The following MCCC1 variants were observed in gnomAD, a reference collection of about 807,000 sequenced individuals.
The protein encoded by MCCC1 is methylcrotonoyl-CoA carboxylase subunit alpha, mitochondrial.
A neutral mutation model predicts 83.8 loss-of-function variants in MCCC1; 64 were observed. That is an observed-to-expected ratio of 0.76 (90% CI 0.62 to 0.94). MCCC1 has a LOEUF of 0.94. MCCC1 is among the 40% of genes least tolerant of loss of function. MCCC1 has a pLI of 0.00. For missense variants in MCCC1, 807 were observed against 904.7 expected, an observed-to-expected ratio of 0.89 and a Z score of 1.39; for synonymous variants, 322 against 315.4, an observed-to-expected ratio of 1.02 and a Z score of -0.22.
At chr3:183,113,923 G>A (rs572252315) in intron 1 of MCCC1, among the ~76,000 whole-genome samples, 2 of 152,134 alleles carry the variant, frequency 1.3e-5, no homozygotes, top group African/African-American at 4.8e-5. Context: ...GTCTTGGGGG[G>A]TGAGCCCTCA....
chr3:183,053,784 TAC>T (rs1315230945), intron 8 of MCCC1, among the ~76,000 whole-genome samples: 1 of 132,298 alleles, frequency 7.6e-6, no homozygotes. Context: ...CAGCCTAGGC[TAC>T]AGAGTGAGGC....
Position 183,085,979 on chromosome 3 carries a change from C to T in MCCC1, c.369+714G>A, listed in dbSNP as rs188689486. Among the ~76,000 whole-genome samples, 23 of 152,334 alleles carry T rather than the reference C, an allele frequency of 1.5e-4. No homozygotes were observed. The East Asian group carries it at 3.1e-3, about 20-fold the overall frequency. On this transcript the variant is annotated intron_variant, in intron 4 of 18. Coordinates refer to ENST00000265594, the MANE Select transcript of MCCC1 (RefSeq NM_020166.5). ...GGCCCCTCCACAGATCTGAGAACAG[C>T]TGCAGAAAGTCCCTCCCCCAGTCTC...
At chr3:183,053,681 TGTA>T (rs1715172939) in intron 8 of MCCC1, among the ~76,000 whole-genome samples, 1 of 149,816 alleles carries the variant, frequency 6.7e-6, no homozygotes, top group Admixed American at 6.7e-5. Context: ...GGCAGGCGCC[TGTA>T]GTCCCAGCTA....
chr3:183,082,096 C>T (rs1472100892), intron 4 of MCCC1, among the ~76,000 whole-genome samples: 1 of 152,190 alleles, frequency 6.6e-6, no homozygotes, highest in Non-Finnish European at 1.5e-5. Context: ...TGCCTACGGC[C>T]CCCCAAGTGT....
chr3:183,070,601 G>A (rs1381126383), intron 7 of MCCC1, among the ~76,000 whole-genome samples: 1 of 151,994 alleles, frequency 6.6e-6, no homozygotes, highest in East Asian at 1.9e-4. Flanking sequence ...GGCATGGTGG[G>A]GCATACCTGT....
chr3:183,046,181 C>T (rs1417479711), intron 9 of MCCC1, among the ~76,000 whole-genome samples: 2 of 152,184 alleles, frequency 1.3e-5, no homozygotes, highest in African/African-American at 2.4e-5. Context: ...CCAAAAAGTT[C>T]CCTTGTTCCC....
intron 4 of MCCC1, among the ~76,000 whole-genome samples, chr3:183,083,858 T>C (rs1259139524): frequency 6.6e-6 from 1 of 152,232 alleles, no homozygotes; most frequent in Non-Finnish European, 1.5e-5. Flanking sequence ...AAACAACACC[T>C]TCCCTTTTTC....
At chr3:183,101,266 A>G (rs1330562828), upstream of MCCC1, among the ~76,000 whole-genome samples, 1 of 152,232 alleles carries the variant, frequency 6.6e-6, no homozygotes, top group Non-Finnish European at 1.5e-5. Flanking sequence ...CGACCACCCA[A>G]GAGCTGAGGA....
At chr3:183,049,528 C>T (rs1714799655) in intron 9 of MCCC1, among the ~76,000 whole-genome samples, 1 of 149,224 alleles carries the variant, frequency 6.7e-6, no homozygotes, top group Non-Finnish European at 1.5e-5. Flanking sequence ...GCCAAGATCT[C>T]ACCATTGCAC....
At chr3:183,096,958 T>C (rs1175904816) in intron 1 of MCCC1, among the ~76,000 whole-genome samples, 6 of 152,218 alleles carry the variant, frequency 3.9e-5, no homozygotes, top group Non-Finnish European at 8.8e-5. Context: ...TGATTCGGTT[T>C]CAAGGCTACT....
intron 8 of MCCC1, among the ~76,000 whole-genome samples, chr3:183,055,603 TTA>T (rs1715358646): frequency 6.6e-6 from 1 of 151,934 alleles, no homozygotes; most frequent in African/African-American, 2.4e-5. Flanking sequence ...CCACTTATAA[TTA>T]TATGTTTCAG....
chr3:183,034,113 A>C (rs1313726104), intron 13 of MCCC1, 36 bp from the exon 14 acceptor site: 3 of 1,381,882 alleles, frequency 2.2e-6, no homozygotes, highest in African/African-American at 2.8e-5. Context: ...CAAACTTATG[A>C]GTATCAAGCC....
Position 183,045,815 on chromosome 3 carries a change from C to G in MCCC1, c.956-275G>C, listed in dbSNP as rs965652066. ...CCGTTTCAGCTTGTAACAGTGAGAACAAGGGTGGACCACATGTTACTGCCT... is the reference window on the plus strand; with the variant it reads ...CCGTTTCAGCTTGTAACAGTGAGAAGAAGGGTGGACCACATGTTACTGCCT... On this transcript the variant is annotated intron_variant, in intron 9 of 18. Transcript: ENST00000265594. Among the ~76,000 whole-genome samples, 104 of 152,162 alleles carry G rather than the reference C, an allele frequency of 6.8e-4. 1 individual carries two copies. Among genetic ancestry groups the G allele is most frequent in the Non-Finnish European group, 2.8e-4 (19 of 68,040 alleles).
chr3:183,096,935 G>A (rs948424047), intron 1 of MCCC1, among the ~76,000 whole-genome samples: 11 of 152,008 alleles, frequency 7.2e-5, no homozygotes, highest in Admixed American at 5.2e-4. Context: ...TGTTGGTAAA[G>A]CTAGCTTAAG....
intron 7 of MCCC1, among the ~76,000 whole-genome samples, chr3:183,069,462 T>A (rs1242293563): frequency 6.6e-6 from 1 of 152,180 alleles, no homozygotes; most frequent in Non-Finnish European, 1.5e-5. Context: ...AAGCCTTCAA[T>A]GTACCTTAGA....
At position 183,017,266 on chromosome 3, in the gene MCCC1, C is replaced by T; in HGVS notation, c.2049G>A (p.Glu683=). 2 of 1,613,532 alleles carry T rather than the reference C, an allele frequency of 1.2e-6. No homozygotes were observed. Among genetic ancestry groups the T allele is most frequent in the Non-Finnish European group, 1.7e-6 (2 of 1,179,836 alleles). ...GCAAATGAACTCATGATTTCCTTACCTCCATCTTCATGGCGATCATAACCA... is the reference window on the plus strand; with the variant it reads ...GCAAATGAACTCATGATTTCCTTACTTCCATCTTCATGGCGATCATAACCA... ...SLMVMIAMKM[E]HTIKSPKDGT... The change falls in exon 18 of 19, where the codon GAG becomes GAA. Residue 683 remains glutamate, a splice_region_variant and synonymous_variant. Transcript: ENST00000265594.
chr3:183,106,064 G>T (rs931890970), intron 1 of MCCC1, among the ~76,000 whole-genome samples: 1 of 108,790 alleles, frequency 9.2e-6, no homozygotes, highest in Admixed American at 1.1e-4. Flanking sequence ...ACTCCAGCCT[G>T]AGCAACAGAG....
At chr3:183,113,919 G>C (rs76806848) in intron 1 of MCCC1, among the ~76,000 whole-genome samples, 3,633 of 152,070 alleles carry the variant, frequency 0.024, 153 homozygotes, top group African/African-American at 0.084. Flanking sequence ...AGCTGTCTTG[G>C]GGGGTGAGCC....
In MCCC1 at chr3:183,092,508, T is replaced by A; in HGVS notation, c.174A>T (p.Gly58=). ...TGCGCATCACCCTGCAGGCAATTTC[T>A]CCTCTGTTTGCAATGAGGACCTTGG... ...NITKVLIANR[G]EIACRVMRTA... The change falls in exon 3 of 19, where the codon GGA becomes GGT. Residue 58 remains glycine (G), a synonymous_variant. Coordinates refer to ENST00000265594, the MANE Select transcript of MCCC1 (RefSeq NM_020166.5). The A allele has an allele frequency of 1.2e-6, 2 of 1,614,226 alleles. No individual in the cohort carries two copies. The highest frequency in any genetic ancestry group is 1.7e-6 in the Non-Finnish European group (2 of 1,180,044).
Sources: gnomAD v4.1 joint callset for allele counts (sites outside exome capture counted in the v4.1 genomes callset) on GRCh38, gnomAD v4.1.1 for gene constraint, MANE v1.5 for transcripts, NCBI Gene and HGNC (gene_info 2026-07-23, HGNC 2026-07-21) for gene names.